Variants in PRKG1 observed in about 807,000 individuals in gnomAD.
PRKG1 encodes protein kinase cGMP-dependent 1.
PRKG1 carries 35 observed loss-of-function variants against 88.1 expected under a neutral mutation model. The observed-to-expected ratio is 0.40, with a 90% CI of 0.30 to 0.53. The LOEUF (loss-of-function observed/expected upper bound fraction) is 0.53. PRKG1 is among the 20% of genes least tolerant of loss of function. The pLI is 0.59. For synonymous variants in PRKG1, 303 were observed against 292.5 expected, an observed-to-expected ratio of 1.04 and a Z score of -0.37; for missense variants, 540 against 839.8, an observed-to-expected ratio of 0.64 and a Z score of 4.41.
chr10:51,076,500 T>C (rs142457426), intron 1 of PRKG1, among the ~76,000 whole-genome samples: 1 of 152,336 alleles, frequency 6.6e-6, no homozygotes, highest in East Asian at 1.9e-4. Context: ...CTTTAAACAT[T>C]TCATAGGATC....
rs1448766385 is a variant in PRKG1 at position 51,490,702 on chromosome 10, TCAAGAC to T, written c.592+22869_592+22874del. ...TCATAGATCGTTCTGAAAAAGAACT[TCAAGAC>T]CATGTTAATACAGGTGCAGAGAGAT... On this transcript the variant is annotated intron_variant, in intron 3 of 17. Coordinates refer to ENST00000373980, the MANE Select transcript of PRKG1 (RefSeq NM_006258.4). Among the ~76,000 whole-genome samples, 6 of 152,192 alleles carry T rather than the reference TCAAGAC, an allele frequency of 3.9e-5. No individual in the cohort carries two copies. In the East Asian group the frequency reaches 9.6e-4, roughly 24 times the overall value.
chr10:51,373,896 C>A (rs937315254), intron 2 of PRKG1, among the ~76,000 whole-genome samples: 3 of 151,430 alleles, frequency 2.0e-5, no homozygotes, highest in Admixed American at 2.0e-4. Context: ...GTAATCCCAG[C>A]ACTTTGGGAG....
Position 51,600,992 on chromosome 10 carries a change from C to T in PRKG1, c.592+133156C>T, listed in dbSNP as rs1381417544. Among the ~76,000 whole-genome samples the T allele has an allele frequency of 2.4e-5, 3 of 124,052 alleles. 1 individual carries two copies. The South Asian group carries it at 7.5e-4, about 31-fold the overall frequency. 81.4% of individuals were successfully genotyped at this position (124,052 alleles called of 152,430 possible). A position where few individuals can be genotyped will look rare whatever the true frequency, so the allele number is the denominator to read the frequency against. Reference sequence around the variant, plus strand: ...GAAGGAGAGAAAGGGAGGAGGAAGACAGCAGGGGGAGGGGGAAAAGAAGAA... The same window carrying T: ...GAAGGAGAGAAAGGGAGGAGGAAGATAGCAGGGGGAGGGGGAAAAGAAGAA... On this transcript the variant is annotated intron_variant, in intron 3 of 17. Transcript: ENST00000373980.
chr10:51,078,995 A>C (rs923411513), intron 1 of PRKG1, among the ~76,000 whole-genome samples: 5 of 152,202 alleles, frequency 3.3e-5, no homozygotes, highest in Non-Finnish European at 7.3e-5. Context: ...CTCAAGAAAA[A>C]CAAAATGTTC....
intron 3 of PRKG1, among the ~76,000 whole-genome samples, chr10:51,524,681 C>T (rs563193829): frequency 4.1e-4 from 63 of 152,142 alleles, no homozygotes; most frequent in African/African-American, 1.4e-3. Flanking sequence ...CCATTTCTGC[C>T]CCTGTGTATG....
intron 2 of PRKG1, among the ~76,000 whole-genome samples, chr10:51,266,114 A>G (rs1839829994): frequency 6.6e-6 from 1 of 152,152 alleles, no homozygotes; most frequent in East Asian, 1.9e-4. Flanking sequence ...ACAGTTAGGG[A>G]ACCATGAAAT....
intron 9 of PRKG1, among the ~76,000 whole-genome samples, chr10:52,239,088 G>A (rs1164265780): frequency 7.1e-5 from 8 of 112,872 alleles, no homozygotes; most frequent in African/African-American, 2.7e-4. Context: ...ACCAAACACC[G>A]CATATTCTCA....
At chr10:52,136,177 C>A (rs1837413105) in intron 8 of PRKG1, among the ~76,000 whole-genome samples, 1 of 151,964 alleles carries the variant, frequency 6.6e-6, no homozygotes, top group Non-Finnish European at 1.5e-5. Context: ...GAAGTGAGAA[C>A]ACTGAGCTTA....
chr10:51,361,546 GC>G (rs1328541457), intron 2 of PRKG1, among the ~76,000 whole-genome samples: 1 of 151,814 alleles, frequency 6.6e-6, no homozygotes, highest in East Asian at 1.9e-4. Flanking sequence ...ATTATTGAGA[GC>G]TCTCAGGTCC....
chr10:52,126,296 T>G (rs1847929452), intron 7 of PRKG1, among the ~76,000 whole-genome samples: 1 of 152,088 alleles, frequency 6.6e-6, no homozygotes, highest in Non-Finnish European at 1.5e-5. Flanking sequence ...TTTGTTAAAA[T>G]AATTGCTGGT....
intron 9 of PRKG1, among the ~76,000 whole-genome samples, chr10:52,196,264 C>T (rs1839505297): frequency 6.6e-6 from 1 of 152,150 alleles, no homozygotes. Context: ...GATCCGCCCT[C>T]CTCAGCCTCC....
intron 2 of PRKG1, among the ~76,000 whole-genome samples, chr10:51,379,667 CT>C (rs958526505): frequency 6.6e-6 from 1 of 152,198 alleles, no homozygotes; most frequent in Non-Finnish European, 1.5e-5. Context: ...AGTTGTCTGC[CT>C]GTTTGTGTTA....
At chr10:52,148,704 G>A (rs1321410177) in intron 8 of PRKG1, among the ~76,000 whole-genome samples, 2 of 152,118 alleles carry the variant, frequency 1.3e-5, no homozygotes, top group Non-Finnish European at 2.9e-5. Flanking sequence ...TTGCATGACT[G>A]CAACCAGGGA....
intron 3 of PRKG1, among the ~76,000 whole-genome samples, chr10:51,513,798 C>A (rs1213564404): frequency 8.0e-5 from 4 of 50,052 alleles, no homozygotes; most frequent in African/African-American, 3.9e-4. Flanking sequence ...TTGAAACCAA[C>A]GAGAACAAAG....
intron 3 of PRKG1, among the ~76,000 whole-genome samples, chr10:51,530,270 A>G (rs1370719861): frequency 6.6e-6 from 1 of 152,194 alleles, no homozygotes; most frequent in Non-Finnish European, 1.5e-5. Flanking sequence ...TTTTCCTGGT[A>G]TCTAAACAAT....
At chr10:52,157,012 T>C (rs571168862) in intron 8 of PRKG1, among the ~76,000 whole-genome samples, 296 of 151,696 alleles carry the variant, frequency 2.0e-3, no homozygotes, top group Non-Finnish European at 3.3e-3. Flanking sequence ...ATTTTACCTT[T>C]TACACTTTTT....
intron 5 of PRKG1, among the ~76,000 whole-genome samples, chr10:51,972,135 A>G (rs1843726964): frequency 6.6e-6 from 1 of 152,082 alleles, no homozygotes; most frequent in Non-Finnish European, 1.5e-5. Context: ...TTACCCTTTT[A>G]TGATATGTAT....
chr10:52,248,901 T>TAC (rs1841093048), intron 9 of PRKG1, among the ~76,000 whole-genome samples: 1 of 29,796 alleles, frequency 3.4e-5, no homozygotes, highest in South Asian at 1.8e-3. Flanking sequence ...TTCCTTTCCT[T>TAC]TCTCTTTTCT....
chr10:51,185,608 A>G (rs568942703), intron 2 of PRKG1, among the ~76,000 whole-genome samples: 4 of 151,980 alleles, frequency 2.6e-5, no homozygotes, highest in African/African-American at 7.2e-5. Context: ...TCCTGTTTGT[A>G]TAGAAGAATA....
Sources: gnomAD v4.1 joint callset for allele counts (sites outside exome capture counted in the v4.1 genomes callset) on GRCh38, gnomAD v4.1.1 for gene constraint, MANE v1.5 for transcripts, NCBI Gene and HGNC (gene_info 2026-07-23, HGNC 2026-07-21) for gene names.